The following KCNG2 variants were observed in gnomAD, a reference collection of about 807,000 sequenced individuals.
The protein encoded by KCNG2 is potassium voltage-gated channel modifier subfamily G member 2.
Under a neutral mutation model 12.3 loss-of-function variants are expected in KCNG2, and 7 were observed. The observed-to-expected ratio is 0.57, with a 90% CI of 0.32 to 1.07. The LOEUF (loss-of-function observed/expected upper bound fraction) is 1.07. KCNG2 is among the 50% of genes least tolerant of loss of function. The probability of loss-of-function intolerance (pLI) is 0.04; values close to 1 mark genes in which losing one functional copy is unlikely to be tolerated. For synonymous variants in KCNG2, 414 were observed against 351.4 expected, an observed-to-expected ratio of 1.18 and a Z score of -1.99; for missense variants, 703 against 726.0, an observed-to-expected ratio of 0.97 and a Z score of 0.36.
intron 3 of KCNG2, among the ~76,000 whole-genome samples, chr18:79,869,455 G>C (rs1979744840): frequency 6.6e-6 from 1 of 152,196 alleles, no homozygotes; most frequent in African/African-American, 2.4e-5. Context: ...ACTGGGAGCA[G>C]TTGTTGAGTC....
intron 1 of KCNG2, among the ~76,000 whole-genome samples, chr18:79,830,467 G>T (rs1978292286): frequency 6.6e-6 from 1 of 152,232 alleles, no homozygotes; most frequent in Non-Finnish European, 1.5e-5. Context: ...ACAGATACCT[G>T]CAAAAACATT....
chr18:79,897,391 C>G (rs1981017152), intron 3 of KCNG2, among the ~76,000 whole-genome samples: 1 of 152,132 alleles, frequency 6.6e-6, no homozygotes, highest in Non-Finnish European at 1.5e-5. Flanking sequence ...TCAATTATTG[C>G]ACTTTTCAAT....
intron 2 of KCNG2, among the ~76,000 whole-genome samples, chr18:79,858,569 C>G (rs1463791758): frequency 6.6e-6 from 1 of 152,118 alleles, no homozygotes; most frequent in African/African-American, 2.4e-5. Context: ...TTTCATTTGT[C>G]TTGAGTGTAC....
chr18:79,834,609 G>T (rs1978313796), intron 1 of KCNG2, among the ~76,000 whole-genome samples: 1 of 152,222 alleles, frequency 6.6e-6, no homozygotes, highest in South Asian at 2.1e-4. Flanking sequence ...AGCTGGTGGG[G>T]ATGTGGGGTT....
intron 3 of KCNG2, among the ~76,000 whole-genome samples, chr18:79,868,542 CTCCTG>C (rs1979702413): frequency 6.6e-6 from 1 of 152,226 alleles, no homozygotes; most frequent in Non-Finnish European, 1.5e-5. Flanking sequence ...GTGGTTCTCA[CTCCTG>C]TCCTAAGAGA....
chr18:79,867,597 G>GC (rs1442774685), intron 3 of KCNG2, among the ~76,000 whole-genome samples: 1 of 148,454 alleles, frequency 6.7e-6, no homozygotes, highest in African/African-American at 2.5e-5. Flanking sequence ...GTCGTGTCTG[G>GC]GGGGGGACCG....
chr18:79,801,976 G>T (rs1386898098), intron 1 of KCNG2, among the ~76,000 whole-genome samples: 1 of 152,184 alleles, frequency 6.6e-6, no homozygotes, highest in Admixed American at 6.5e-5. Flanking sequence ...CCCAGGTGGT[G>T]GGTCAGGGTG....
chr18:79,830,693 AGACAGAGCC>A (rs1978293104), intron 1 of KCNG2, among the ~76,000 whole-genome samples: 1 of 123,244 alleles, frequency 8.1e-6, no homozygotes, highest in Admixed American at 7.8e-5. Flanking sequence ...GGTTCCCTGC[AGACAGAGCC>A]TTCGTCAGGA....
intron 3 of KCNG2, among the ~76,000 whole-genome samples, chr18:79,865,609 C>T (rs1221373197): frequency 8.8e-5 from 11 of 125,674 alleles, no homozygotes; most frequent in African/African-American, 3.5e-4. Context: ...GTTCTGTGTT[C>T]TGAGAGGTCT....
At chr18:79,863,603 C>T (rs1599403153) in intron 2 of KCNG2, 25 bp from the exon 3 acceptor site, 16 of 1,178,590 alleles carry the variant, frequency 1.4e-5, no homozygotes, top group East Asian at 3.8e-5. Context: ...CCTCGCGACC[C>T]TAACGCGGTC....
intron 3 of KCNG2, among the ~76,000 whole-genome samples, chr18:79,894,455 T>C (rs1980878633): frequency 1.3e-5 from 2 of 152,182 alleles, no homozygotes; most frequent in Non-Finnish European, 1.5e-5. Flanking sequence ...CTGCTTTTGA[T>C]TGGGTTCTTC....
In KCNG2 at chr18:79,872,474, C is replaced by T. The variant is rs187443840; in HGVS notation, c.624+8183C>T. Reference sequence around the variant, plus strand: ...AATTTTTGTGTATTTTTAGTAGAGACGGGTTTCACCATGTTGGCCAGGCTG... The same window carrying T: ...AATTTTTGTGTATTTTTAGTAGAGATGGGTTTCACCATGTTGGCCAGGCTG... On this transcript the variant is annotated intron_variant, in intron 3 of 3. Coordinates refer to ENST00000316249, the MANE Select transcript of KCNG2 (RefSeq NM_012283.2). 1.8e-3 allele frequency among the ~76,000 whole-genome samples: 269 copies of T among 152,054 alleles called. 1 individual carries two copies. The highest frequency in any genetic ancestry group is 5.8e-3 in the African/African-American group (241 of 41,486).
intron 1 of KCNG2, among the ~76,000 whole-genome samples, chr18:79,835,712 A>T (rs777061392): frequency 4.6e-5 from 7 of 152,212 alleles, no homozygotes; most frequent in African/African-American, 9.6e-5. Flanking sequence ...AAGATTGTGA[A>T]AATTCCTGAT....
intron 1 of KCNG2, among the ~76,000 whole-genome samples, chr18:79,851,698 AATGT>A (rs35466153): frequency 0.092 from 14,002 of 151,664 alleles, 880 homozygotes; most frequent in African/African-American, 0.17. Flanking sequence ...TGCCTGTGTG[AATGT>A]ATGTGTGTGT....
chr18:79,802,876 A>T (rs929558292), intron 1 of KCNG2, among the ~76,000 whole-genome samples: 1 of 152,244 alleles, frequency 6.6e-6, no homozygotes, highest in African/African-American at 2.4e-5. Flanking sequence ...ATGAAATAAA[A>T]TGCATTAAAA....
At chr18:79,847,603 G>A (rs957124923) in intron 1 of KCNG2, among the ~76,000 whole-genome samples, 1 of 152,214 alleles carries the variant, frequency 6.6e-6, no homozygotes, top group Non-Finnish European at 1.5e-5. Flanking sequence ...TAATAAGCAT[G>A]TACAGAGATT....
chr18:79,812,773 A>G (rs2087501411), intron 1 of KCNG2, among the ~76,000 whole-genome samples: 1 of 152,222 alleles, frequency 6.6e-6, no homozygotes, highest in African/African-American at 2.4e-5. Context: ...AGGCGCGAGA[A>G]TCACTTGAAC....
At chr18:79,808,180 C>A (rs2087467359) in intron 1 of KCNG2, among the ~76,000 whole-genome samples, 1 of 102,230 alleles carries the variant, frequency 9.8e-6, no homozygotes, top group African/African-American at 4.0e-5. Context: ...GCCCAGAGTC[C>A]TCGCCCTGAG....
chr18:79,887,614 G>A (rs985163539), intron 3 of KCNG2, among the ~76,000 whole-genome samples: 1 of 152,188 alleles, frequency 6.6e-6, no homozygotes, highest in African/African-American at 2.4e-5. Flanking sequence ...GCTTCCCAGG[G>A]GCTCACACAC....
Sources: gnomAD v4.1 joint callset for allele counts (sites outside exome capture counted in the v4.1 genomes callset) on GRCh38, gnomAD v4.1.1 for gene constraint, MANE v1.5 for transcripts, NCBI Gene and HGNC (gene_info 2026-07-23, HGNC 2026-07-21) for gene names.